NALCN: variants seen among roughly 807,000 people sequenced by gnomAD.
The protein encoded by NALCN is sodium leak channel, non-selective, also known as sodium leak channel NALCN.
In NALCN, 111 loss-of-function variants were observed where a neutral mutation model predicts 225.3. The observed-to-expected ratio is 0.49, with a 90% confidence interval of 0.42 to 0.58. The LOEUF is 0.58. Among genes scored for constraint, NALCN ranks in the 20% least tolerant of loss-of-function variants. The probability of loss-of-function intolerance (pLI) is 0.00; values close to 1 mark genes in which losing one functional copy is unlikely to be tolerated. For synonymous variants in NALCN, 764 were observed against 769.0 expected, an observed-to-expected ratio of 0.99 and a Z score of 0.11; for missense variants, 1,378 against 2,202.4, an observed-to-expected ratio of 0.63 and a Z score of 7.49.
At chr13:101,300,606 C>T (rs552712470) in intron 7 of NALCN, among the ~76,000 whole-genome samples, 3 of 152,142 alleles carry the variant, frequency 2.0e-5, no homozygotes, top group African/African-American at 4.8e-5. Context: ...TAAGCCACCA[C>T]GCTCAGCCTC....
intron 7 of NALCN, among the ~76,000 whole-genome samples, chr13:101,325,607 T>G (rs2044921810): frequency 6.6e-6 from 1 of 152,202 alleles, no homozygotes; most frequent in Non-Finnish European, 1.5e-5. Context: ...CAGCAGCTGC[T>G]TCTTTTCTTT....
At chr13:101,139,471 C>G (rs993613121) in intron 17 of NALCN, among the ~76,000 whole-genome samples, 1 of 152,130 alleles carries the variant, frequency 6.6e-6, no homozygotes, top group Non-Finnish European at 1.5e-5. Context: ...ATTAAGAGAA[C>G]AGTTTTATTT....
intron 14 of NALCN, among the ~76,000 whole-genome samples, chr13:101,184,712 G>A (rs1415792143): frequency 6.6e-6 from 1 of 152,110 alleles, no homozygotes; most frequent in Admixed American, 6.5e-5. Flanking sequence ...CAGCTGAAAA[G>A]TATGATTTAT....
intron 11 of NALCN, among the ~76,000 whole-genome samples, chr13:101,253,414 T>C (rs1253897641): frequency 6.6e-6 from 1 of 152,224 alleles, no homozygotes; most frequent in Non-Finnish European, 1.5e-5. Flanking sequence ...TCATGACCTG[T>C]TGTGATCCAT....
At chr13:101,217,361 G>C (rs2040775931) in intron 13 of NALCN, among the ~76,000 whole-genome samples, 1 of 152,174 alleles carries the variant, frequency 6.6e-6, no homozygotes, top group African/African-American at 2.4e-5. Context: ...AGGAACTGTT[G>C]CATATTGCCT....
At chr13:101,159,059 A>C (rs1024198538) in intron 15 of NALCN, among the ~76,000 whole-genome samples, 1 of 152,244 alleles carries the variant, frequency 6.6e-6, no homozygotes, top group Non-Finnish European at 1.5e-5. Flanking sequence ...GGCATATGAG[A>C]ATCCAGGTAG....
At chr13:101,408,855 G>T (rs994022576) in intron 1 of NALCN, among the ~76,000 whole-genome samples, 1 of 152,078 alleles carries the variant, frequency 6.6e-6, no homozygotes, top group Non-Finnish European at 1.5e-5. Context: ...ACCACATAGG[G>T]GAAGGCAAAT....
chr13:101,369,314 G>A (rs927698274), intron 6 of NALCN, among the ~76,000 whole-genome samples: 47 of 152,032 alleles, frequency 3.1e-4, no homozygotes, highest in African/African-American at 9.7e-4. Context: ...ATTTTTCATG[G>A]TGAACTTCAT....
Position 101,101,770 on chromosome 13 carries a change from C to T in NALCN, c.3058-882G>A, listed in dbSNP as rs111275976. On this transcript the variant is annotated intron_variant, in intron 26 of 43. Transcript: ENST00000251127. The stretch of plus-strand genomic sequence containing the variant: ...CTGACTTCTTTGGTCTCAGCAGAGA[C>T]GAGTGGCAGAGGGCAAAATATGGAA... 1.1e-3 allele frequency among the ~76,000 whole-genome samples: 163 copies of T among 152,130 alleles called. 1 individual carries two copies. The highest frequency in any genetic ancestry group is 6.8e-3 in the Middle Eastern group (2 of 292).
chr13:101,321,618 C>T (rs540338115), intron 7 of NALCN, among the ~76,000 whole-genome samples: 17 of 152,122 alleles, frequency 1.1e-4, no homozygotes, highest in Non-Finnish European at 2.4e-4. Flanking sequence ...TATTAATACT[C>T]CAGTATTAGT....
chr13:101,074,694 G>GAC, intron 35 of NALCN, 32 bp from the exon 36 acceptor site: 2 of 422,864 alleles, frequency 4.7e-6, no homozygotes, highest in African/African-American at 2.4e-5. Flanking sequence ...CGGGGAGACA[G>GAC]AGAGAGAGAG....
At chr13:101,392,741 G>A (rs993130241) in intron 3 of NALCN, among the ~76,000 whole-genome samples, 2 of 152,116 alleles carry the variant, frequency 1.3e-5, no homozygotes, top group Non-Finnish European at 2.9e-5. Context: ...ATTTGAATAT[G>A]ATATGATCAT....
chr13:101,132,128 G>T (rs2036548808), intron 17 of NALCN, among the ~76,000 whole-genome samples: 1 of 151,468 alleles, frequency 6.6e-6, no homozygotes, highest in Non-Finnish European at 1.5e-5. Flanking sequence ...TTCTTTACTA[G>T]ATATTCATTC....
chr13:101,210,567 A>G (rs1043691926), intron 13 of NALCN, among the ~76,000 whole-genome samples: 3 of 152,310 alleles, frequency 2.0e-5, no homozygotes, highest in Middle Eastern at 3.4e-3. Context: ...CAAAAGACTG[A>G]TTAAAAATAA....
rs2034113771 is a variant in NALCN at position 101,089,606 on chromosome 13, CAA to C, written c.3489+55_3489+56del. The C allele has an allele frequency of 6.7e-7, 1 of 1,501,890 alleles. No individual in the cohort carries two copies. The highest frequency in any genetic ancestry group is 9.2e-7 in the Non-Finnish European group (1 of 1,085,448). The allele number at this position is 1,501,890 out of a possible 1,614,324, so 93.0% of individuals were successfully genotyped here. A position where few individuals can be genotyped will look rare whatever the true frequency, so the allele number is the denominator to read the frequency against. ...CGCGTGTGAAAAGAAACAAATAGCT[CAA>C]AGTGAGTGGCTAGAAAAGGCTAAAC... On this transcript the variant is annotated intron_variant, in intron 30 of 43. Coordinates refer to ENST00000251127, the MANE Select transcript of NALCN (RefSeq NM_052867.4). The surrounding 1 kb of genome is among the most constrained non-coding windows in gnomAD (Gnocchi z 4.7).
intron 7 of NALCN, among the ~76,000 whole-genome samples, chr13:101,314,851 C>G (rs866875961): frequency 6.6e-6 from 1 of 152,062 alleles, no homozygotes; most frequent in African/African-American, 2.4e-5. Context: ...CATTTGGATG[C>G]ATATGAAATC....
chr13:101,401,043 TAAATTAGCC>T (rs1293372878), intron 1 of NALCN, among the ~76,000 whole-genome samples: 2 of 152,212 alleles, frequency 1.3e-5, no homozygotes, highest in African/African-American at 4.8e-5. Flanking sequence ...CTTTCCTTTA[TAAATTAGCC>T]AGCGTCGTCA....
At chr13:101,364,459 GT>G (rs1185088177) in intron 6 of NALCN, among the ~76,000 whole-genome samples, 2 of 152,130 alleles carry the variant, frequency 1.3e-5, no homozygotes, top group Non-Finnish European at 2.9e-5. Context: ...AGGTCATTAT[GT>G]TAAAAGAAAT....
At chr13:101,182,795 G>C (rs566342038) in intron 14 of NALCN, among the ~76,000 whole-genome samples, 3 of 152,272 alleles carry the variant, frequency 2.0e-5, no homozygotes, top group South Asian at 4.2e-4. Context: ...GGAGGTGCAG[G>C]GTGAGTCTGT....
Sources: gnomAD v4.1 joint callset for allele counts (sites outside exome capture counted in the v4.1 genomes callset) on GRCh38, gnomAD v4.1.1 for gene constraint, Gnocchi (gnomAD v3.1) non-coding constraint, MANE v1.5 for transcripts, NCBI Gene and HGNC (gene_info 2026-07-23, HGNC 2026-07-21) for gene names.